Variants in TLK1 observed in about 807,000 individuals in gnomAD.
TLK1 encodes the protein tousled like kinase 1.
Under a neutral mutation model 105.3 loss-of-function variants are expected in TLK1, and 24 were observed. The observed-to-expected ratio is 0.23, with a 90% CI of 0.17 to 0.32. The LOEUF (loss-of-function observed/expected upper bound fraction) is 0.32. Ranked by LOEUF, TLK1 falls within the 10% of genes least tolerant of loss-of-function variation. The pLI, the probability that TLK1 is intolerant of heterozygous loss-of-function variation, is 1.00. For missense variants in TLK1, 558 were observed against 910.5 expected (o/e 0.61, Z 4.98); for synonymous variants, 321 against 310.4 (o/e 1.03, Z -0.36).
At chr2:171,187,078 A>AG (rs1455741998) in intron 1 of TLK1, among the ~76,000 whole-genome samples, 105 of 127,338 alleles carry the variant, frequency 8.2e-4, no homozygotes, top group African/African-American at 3.5e-3. Flanking sequence ...AAAAAAAAAA[A>AG]AAAAAGAAAA....
intron 1 of TLK1, among the ~76,000 whole-genome samples, chr2:171,184,026 C>T (rs907795038): frequency 3.0e-4 from 45 of 152,146 alleles, no homozygotes; most frequent in Admixed American, 2.0e-4. Context: ...TGGGTCCAAT[C>T]TAATCACACG....
intron 12 of TLK1, among the ~76,000 whole-genome samples, chr2:171,024,827 G>C (rs1172169280): frequency 2.0e-5 from 3 of 152,152 alleles, no homozygotes; most frequent in African/African-American, 7.2e-5. Flanking sequence ...GTTAAAATGG[G>C]AATTTGAATT....
rs549995392 is a variant in TLK1 at position 171,057,214 on chromosome 2, T to C, written c.454-648A>G. 2.1e-4 allele frequency among the ~76,000 whole-genome samples: 32 copies of C among 152,196 alleles called. 1 individual carries two copies. The South Asian group carries it at 6.4e-3, about 31-fold the overall frequency. On this transcript the variant is annotated intron_variant, in intron 5 of 20. Transcript: ENST00000431350. ...ACGAAGGATGGGAAAAGAAAATAAC[T>C]TGCTGCAGCAAAGTTCCTCTGGGGG...
chr2:171,165,329 T>A (rs1202537591), upstream of TLK1, among the ~76,000 whole-genome samples: 1 of 152,146 alleles, frequency 6.6e-6, no homozygotes, highest in Non-Finnish European at 1.5e-5. Flanking sequence ...ATGATGACGA[T>A]CAATGAGCTG....
chr2:171,229,057 A>G (rs1693947697), intron 1 of TLK1, among the ~76,000 whole-genome samples: 2 of 152,304 alleles, frequency 1.3e-5, no homozygotes, highest in Middle Eastern at 3.4e-3. Flanking sequence ...CCTATAAGAC[A>G]CACCTCTCCA....
chr2:171,108,213 T>C (rs181913319), intron 2 of TLK1, among the ~76,000 whole-genome samples: 59 of 152,216 alleles, frequency 3.9e-4, no homozygotes, highest in African/African-American at 1.3e-3. Flanking sequence ...GCATTCTTTA[T>C]ACTACATTTT....
chr2:171,106,823 T>G (rs1377749014), intron 2 of TLK1, among the ~76,000 whole-genome samples: 1 of 152,206 alleles, frequency 6.6e-6, no homozygotes, highest in Non-Finnish European at 1.5e-5. Context: ...ATTCTGTAGC[T>G]TCACCTATAT....
At chr2:171,127,260 G>C (rs189536112) in intron 1 of TLK1, among the ~76,000 whole-genome samples, 2 of 137,586 alleles carry the variant, frequency 1.5e-5, no homozygotes, top group Admixed American at 1.5e-4. Context: ...CTGGCCAACA[G>C]AGTGAGACTC....
intron 11 of TLK1, among the ~76,000 whole-genome samples, chr2:171,033,465 G>A (rs528004658): frequency 5.3e-5 from 8 of 151,616 alleles, no homozygotes; most frequent in African/African-American, 1.9e-4. Context: ...TGGTTAATGG[G>A]TGCAAAAACA....
chr2:171,053,604 G>A (rs1238394945), intron 8 of TLK1, 157 bp downstream of exon 8: 2 of 517,388 alleles, frequency 3.9e-6, no homozygotes, highest in Non-Finnish European at 6.8e-6. Context: ...CTTGTGATCT[G>A]CCCGCCTCGA....
intron 1 of TLK1, among the ~76,000 whole-genome samples, chr2:171,125,070 A>AT (rs1447618962): frequency 3.9e-5 from 6 of 152,198 alleles, no homozygotes; most frequent in Non-Finnish European, 7.4e-5. Context: ...TCTGGACATA[A>AT]TTTTTTTGAC....
intron 1 of TLK1, among the ~76,000 whole-genome samples, chr2:171,190,156 G>A (rs1030709222): frequency 6.6e-6 from 1 of 152,218 alleles, no homozygotes; most frequent in Non-Finnish European, 1.5e-5. Flanking sequence ...TAAAGTGAGT[G>A]TTGCTGGAGT....
intron 1 of TLK1, among the ~76,000 whole-genome samples, chr2:171,130,985 T>A (rs563413211): frequency 1.1e-4 from 16 of 151,202 alleles, no homozygotes; most frequent in African/African-American, 3.9e-4. Flanking sequence ...ATCAAAATTT[T>A]AAGATTCTAA....
At chr2:171,158,745 A>G (rs1490107377) in intron 1 of TLK1, among the ~76,000 whole-genome samples, 1 of 152,238 alleles carries the variant, frequency 6.6e-6, no homozygotes, top group Non-Finnish European at 1.5e-5. Context: ...CAACTTCTCT[A>G]TGAAATACAT....
intron 1 of TLK1, among the ~76,000 whole-genome samples, chr2:171,135,717 G>A (rs1272425926): frequency 3.9e-5 from 6 of 151,986 alleles, no homozygotes; most frequent in South Asian, 2.1e-4. Flanking sequence ...CAGGAGAATC[G>A]CTTGAACCCG....
In TLK1 at chr2:171,160,531, G is replaced by A. The variant is rs1178930609; in HGVS notation, c.-103C>T. 6.5e-7 allele frequency: 1 copy of A among 1,549,776 alleles called. No homozygotes were observed. The highest frequency in any genetic ancestry group is 8.7e-7 in the Non-Finnish European group (1 of 1,154,842). On this transcript the variant is annotated 5_prime_UTR_variant, in exon 1 of 21. Coordinates refer to ENST00000431350, the MANE Select transcript of TLK1 (RefSeq NM_012290.5). The surrounding 1 kb of genome is among the most constrained non-coding windows in gnomAD (Gnocchi z 4.4). Reference sequence around the variant, plus strand: ...GGCGGGGGCCGCGCTGAGGGCGAGCGAGAGAGCGAGGGCTGGGAGGGGAGA... The same window carrying A: ...GGCGGGGGCCGCGCTGAGGGCGAGCAAGAGAGCGAGGGCTGGGAGGGGAGA...
chr2:171,126,575 T>A (rs1329394424), intron 1 of TLK1, among the ~76,000 whole-genome samples: 1 of 152,186 alleles, frequency 6.6e-6, no homozygotes. Flanking sequence ...ACAGTCATAA[T>A]AAAATCAAAT....
Position 171,193,150 on chromosome 2 carries a change from C to G in TLK1, c.-6+37995G>C, listed in dbSNP as rs116803842. ...GACTTATACAGTATTGGTAACCACACATTTGGTAAAAGAAAGCAATCTGTG... is the reference window on the plus strand; with the variant it reads ...GACTTATACAGTATTGGTAACCACAGATTTGGTAAAAGAAAGCAATCTGTG... On this transcript the variant is annotated intron_variant, in intron 1 of 20. Coordinates refer to the TLK1 transcript ENST00000521943. Among the ~76,000 whole-genome samples the G allele has an allele frequency of 2.3e-3, 354 of 152,282 alleles. 1 individual carries two copies. Among genetic ancestry groups the G allele is most frequent in the Non-Finnish European group, 3.7e-3 (250 of 68,016 alleles).
chr2:171,069,961 T>A (rs1004530355), intron 3 of TLK1, among the ~76,000 whole-genome samples: 1 of 152,212 alleles, frequency 6.6e-6, no homozygotes, highest in Admixed American at 6.5e-5. Flanking sequence ...CTCATCCTGA[T>A]TGTATACTAG....
Sources: gnomAD v4.1 joint callset for allele counts (sites outside exome capture counted in the v4.1 genomes callset) on GRCh38, gnomAD v4.1.1 for gene constraint, Gnocchi (gnomAD v3.1) non-coding constraint, MANE v1.5 for transcripts, NCBI Gene and HGNC (gene_info 2026-07-23, HGNC 2026-07-21) for gene names.